The following DSN1 variants were observed in gnomAD, a reference collection of about 807,000 sequenced individuals.
The protein encoded by DSN1 is kinetochore-associated protein DSN1 homolog.
Under a neutral mutation model 45.7 loss-of-function variants are expected in DSN1, and 31 were observed. The observed-to-expected ratio is 0.68, with a 90% CI of 0.51 to 0.92. DSN1 has a LOEUF of 0.92. Among genes scored for constraint, DSN1 ranks in the 40% least tolerant of loss-of-function variants. DSN1 has a pLI of 0.00. For synonymous variants in DSN1, 134 were observed against 142.3 expected, an observed-to-expected ratio of 0.94 and a Z score of 0.41; for missense variants, 394 against 414.2, an observed-to-expected ratio of 0.95 and a Z score of 0.42.
intron 1 of DSN1, chr20:36,773,296 G>A: frequency 2.4e-6 from 2 of 822,896 alleles, no homozygotes; most frequent in Non-Finnish European, 2.9e-6. Flanking sequence ...CAGGGGAACT[G>A]AGGTTCAGAG....
In DSN1 at chr20:36,773,222, T is replaced by TG. The variant is rs1987741977; in HGVS notation, c.-16+439dup. Among the ~76,000 whole-genome samples, 4 of 152,328 alleles carry TG rather than the reference T, an allele frequency of 2.6e-5. No homozygotes were observed. In the South Asian group the frequency reaches 8.3e-4, roughly 32 times the overall value. ...ACCTGTGCTATGTAAGCGCTTTACT[T>TG]GCATCGTTATTCCACTTAATCCCTT... On this transcript the variant is annotated intron_variant, in intron 1 of 10. Coordinates refer to ENST00000373750, the MANE Select transcript of DSN1 (RefSeq NM_001145315.2).
At position 36,771,015 on chromosome 20, in the gene DSN1, T is replaced by C. The variant is rs1232716831; in HGVS notation, c.213A>G (p.Glu71=). Residue 71 remains glutamate, a synonymous_variant, in exon 3 of 11, where the codon GAA becomes GAG. Transcript: ENST00000373750. ...AATGAAGGGACTTCGACTGAAGTCT[T>C]TCCTGGTGGCTGAGATCACAATTTC... is the stretch of plus-strand genomic sequence containing the variant. ...KGGNCDLSHQ[E]RLQSKSLHLS... 4 of 1,614,100 alleles carry C rather than the reference T, an allele frequency of 2.5e-6. No individual in the cohort carries two copies. The highest frequency in any genetic ancestry group is 3.4e-6 in the Non-Finnish European group (4 of 1,180,056).
chr20:36,763,885 CAAAAAAAAAA>C (rs148628979), intron 5 of DSN1, among the ~76,000 whole-genome samples: 121 of 37,462 alleles, frequency 3.2e-3, no homozygotes, highest in South Asian at 0.018. Context: ...AACTCTGTCT[CAAAAAAAAAA>C]AAAAAAAAAA....
At chr20:36,768,939 C>T (rs1164457815) in intron 3 of DSN1, among the ~76,000 whole-genome samples, 1 of 152,142 alleles carries the variant, frequency 6.6e-6, no homozygotes, top group Admixed American at 6.6e-5. Context: ...TAATAACTAA[C>T]ATTTGTTGAA....
chr20:36,768,473 G>A (rs541108567), intron 3 of DSN1, among the ~76,000 whole-genome samples: 1 of 152,188 alleles, frequency 6.6e-6, no homozygotes, highest in South Asian at 2.1e-4. Flanking sequence ...GGCTCAGGAG[G>A]CGGAGGCTGC....
chr20:36,771,680 C>T (rs1204326791), intron 1 of DSN1, among the ~76,000 whole-genome samples: 1 of 152,180 alleles, frequency 6.6e-6, no homozygotes, highest in Non-Finnish European at 1.5e-5. Context: ...TTCAAATCTC[C>T]CTGAACACAT....
At chr20:36,754,644 A>G (rs1252931311) in intron 10 of DSN1, 119 bp downstream of exon 10, 5 of 689,226 alleles carry the variant, frequency 7.3e-6, no homozygotes, top group African/African-American at 7.1e-5. Context: ...GGGGAGAAAA[A>G]CAAATCACCT....
Position 36,754,838 on chromosome 20 carries a change from G to A in DSN1, c.886C>T (p.Gln296Ter). ...GCCTGCAGCTGTTTCACTGATCCTTGCAGTTCATCCATCTGTAGAAAAAAG... is the reference window on the plus strand; with the variant it reads ...GCCTGCAGCTGTTTCACTGATCCTTACAGTTCATCCATCTGTAGAAAAAAG... The part of the protein sequence containing the change: ...DCMELVMDEL[Q>*]GSVKQLQAFM... The change falls in exon 10 of 11, where the codon CAA (glutamine) becomes TAA (stop). Residue 296 changes from glutamine (Q) to a stop codon, truncating the protein, a stop_gained. Coordinates refer to ENST00000373750, the MANE Select transcript of DSN1 (RefSeq NM_001145315.2). LOFTEE classifies it high-confidence loss of function. 1.2e-6 allele frequency: 2 copies of A among 1,613,786 alleles called. No homozygotes were observed. Among genetic ancestry groups the A allele is most frequent in the African/African-American group, 1.3e-5 (1 of 75,020 alleles).
At chr20:36,767,465 A>C (rs1272131013) in intron 4 of DSN1, among the ~76,000 whole-genome samples, 1 of 152,094 alleles carries the variant, frequency 6.6e-6, no homozygotes, top group African/African-American at 2.4e-5. Flanking sequence ...CACATAATAC[A>C]CAATACACCT....
intron 8 of DSN1, among the ~76,000 whole-genome samples, chr20:36,757,113 T>C (rs1254009171): frequency 6.6e-6 from 1 of 152,216 alleles, no homozygotes; most frequent in Non-Finnish European, 1.5e-5. Flanking sequence ...CTCAACACAT[T>C]GGGAGGCCAA....
In DSN1 at chr20:36,773,702, T is replaced by G. The variant is rs1987771054; in HGVS notation, c.-56A>C. On this transcript the variant is annotated 5_prime_UTR_variant, in exon 1 of 11. Coordinates refer to ENST00000373750, the MANE Select transcript of DSN1 (RefSeq NM_001145315.2). The stretch of plus-strand genomic sequence containing the variant: ...ACGGGTCGCTCTCCACAGCCCCAGG[T>G]CACTCCTGGACGCCTTGCGCACCCG... 2.0e-6 allele frequency: 2 copies of G among 985,644 alleles called. No homozygotes were observed. Among genetic ancestry groups the G allele is most frequent in the South Asian group, 9.4e-5 (2 of 21,296 alleles). The allele number at this position is 985,644 out of a possible 1,614,324, so 61.1% of individuals were successfully genotyped here.
chr20:36,762,489 G>C lies in DSN1; in HGVS notation c.562C>G (p.Leu188Val). The C allele has an allele frequency of 6.2e-7, 1 of 1,613,714 alleles. No individual in the cohort carries two copies. Among genetic ancestry groups the C allele is most frequent in the Non-Finnish European group, 8.5e-7 (1 of 1,179,868 alleles). ...TTTGAATCTTCAAAACATTTTTGTA[G>C]AGTTCCATCAGTTTCCAGTCCGTCT... ...FADGLETDGT[L>V]QKCFEDSNGK... Residue 188 changes from leucine to valine, a missense_variant, in exon 6 of 11, where the codon CTA (leucine) becomes GTA (valine). Leu to Val is a conservative substitution (Grantham distance 32). Transcript: ENST00000373750.
rs1986439297 is a variant in DSN1, at chr20:36,752,730, G to A, written c.*58C>T. The A allele has an allele frequency of 1.4e-6, 2 of 1,402,214 alleles. No individual in the cohort carries two copies. Among genetic ancestry groups the A allele is most frequent in the South Asian group, 2.3e-5 (2 of 86,530 alleles). The allele number at this position is 1,402,214 out of a possible 1,614,324, so 86.9% of individuals were successfully genotyped here. On this transcript the variant is annotated 3_prime_UTR_variant, in exon 11 of 11. Coordinates refer to ENST00000373750, the MANE Select transcript of DSN1 (RefSeq NM_001145315.2). Reference sequence around the variant, plus strand: ...AGAAATCACGCAGTCACCACGTGCTGGGGCACTCTTCCCATTCCTCTCCTC... The same window carrying A: ...AGAAATCACGCAGTCACCACGTGCTAGGGCACTCTTCCCATTCCTCTCCTC...
chr20:36,759,360 C>T (rs1986848018), intron 6 of DSN1, among the ~76,000 whole-genome samples: 1 of 152,158 alleles, frequency 6.6e-6, no homozygotes, highest in African/African-American at 2.4e-5. Flanking sequence ...AGTGATCCTC[C>T]CACCTTGGTC....
intron 5 of DSN1, among the ~76,000 whole-genome samples, chr20:36,763,410 GAAAAAAAAAAA>G (rs71186016): frequency 1.4e-3 from 119 of 84,106 alleles, no homozygotes; most frequent in African/African-American, 5.3e-3. Context: ...CTCAAAAAAA[GAAAAAAAAAAA>G]AAAAAAAAAA....
intron 5 of DSN1, among the ~76,000 whole-genome samples, chr20:36,763,583 C>T (rs2148272954): frequency 6.6e-6 from 1 of 151,436 alleles, no homozygotes; most frequent in South Asian, 2.1e-4. Flanking sequence ...AACCCCATCT[C>T]TTTATTAGAA....
chr20:36,755,877 T>C (rs1986645282), intron 8 of DSN1, 48 bp from the exon 9 acceptor site: 1 of 1,582,528 alleles, frequency 6.3e-7, no homozygotes, highest in Non-Finnish European at 8.6e-7. Flanking sequence ...AATTATTTTC[T>C]GGAAGAGATA....
chr20:36,756,740 T>TA (rs1674557706), intron 8 of DSN1, among the ~76,000 whole-genome samples: 2 of 151,254 alleles, frequency 1.3e-5, no homozygotes, highest in South Asian at 2.1e-4. Flanking sequence ...AAGGAACAGT[T>TA]AGAGTCTGAA....
intron 4 of DSN1, 140 bp from the exon 5 acceptor site, chr20:36,766,981 G>A: frequency 1.8e-5 from 9 of 504,408 alleles, no homozygotes; most frequent in Admixed American, 4.2e-5. Flanking sequence ...ACTTTTCACA[G>A]AAACAAATAA....
Sources: gnomAD v4.1 joint callset for allele counts (sites outside exome capture counted in the v4.1 genomes callset) on GRCh38, gnomAD v4.1.1 for gene constraint, MANE v1.5 for transcripts, NCBI Gene and HGNC (gene_info 2026-07-23, HGNC 2026-07-21) for gene names.